The following PLEKHG4B variants were observed in gnomAD, a reference collection of about 807,000 sequenced individuals.
PLEKHG4B encodes pleckstrin homology domain-containing family G member 4B.
PLEKHG4B carries 111 observed loss-of-function variants against 121.3 expected under a neutral mutation model. That is an observed-to-expected ratio of 0.92 (90% confidence interval 0.78 to 1.07). The LOEUF is 1.07. Ranked by LOEUF, PLEKHG4B falls within the 50% of genes least tolerant of loss-of-function variation. The pLI, the probability that PLEKHG4B is intolerant of heterozygous loss-of-function variation, is 0.00. For missense variants in PLEKHG4B, 1,831 were observed against 1,757.8 expected (o/e 1.04, Z -0.74); for synonymous variants, 738 against 725.0 (o/e 1.02, Z -0.29).
intron 13 of PLEKHG4B, among the ~76,000 whole-genome samples, chr5:164,893 CA>C: frequency 2.8e-5 from 2 of 72,422 alleles, no homozygotes; most frequent in African/African-American, 9.6e-5. Context: ...GGGCGGAGCT[CA>C]CACAGTAATG....
chr5:166,454 G>A (rs867739424), intron 13 of PLEKHG4B, among the ~76,000 whole-genome samples: 5 of 113,258 alleles, frequency 4.4e-5, no homozygotes, highest in Middle Eastern at 9.3e-3. Context: ...ATGCTCTGAC[G>A]GGGCGGAGCT....
chr5:105,275 C>T (rs1733945079), intron 1 of PLEKHG4B, among the ~76,000 whole-genome samples: 1 of 152,222 alleles, frequency 6.6e-6, no homozygotes, highest in Non-Finnish European at 1.5e-5. Flanking sequence ...TGGCTGGGGG[C>T]CCTGCTCAGA....
chr5:93,992 CTT>C (rs761846138), intron 1 of PLEKHG4B, among the ~76,000 whole-genome samples: 1 of 152,194 alleles, frequency 6.6e-6, no homozygotes, highest in Non-Finnish European at 1.5e-5. Context: ...TTTGTCCTCT[CTT>C]TGCGTTTGAA....
intron 2 of PLEKHG4B, among the ~76,000 whole-genome samples, chr5:126,029 T>C (rs1734602676): frequency 1.3e-5 from 2 of 152,240 alleles, no homozygotes; most frequent in South Asian, 4.1e-4. Context: ...TTCAGGATTC[T>C]TTGTCTTTGT....
intron 13 of PLEKHG4B, among the ~76,000 whole-genome samples, chr5:168,743 A>G (rs983572596): frequency 6.6e-6 from 1 of 152,172 alleles, no homozygotes. Context: ...TTTGAAATAT[A>G]GTCCTTATCT....
At chr5:169,619 C>A in intron 14 of PLEKHG4B, 27 bp downstream of exon 14, 1 of 1,607,222 alleles carries the variant, frequency 6.2e-7, no homozygotes, top group Non-Finnish European at 8.5e-7. Flanking sequence ...GCGTGGGTGC[C>A]GGGCAACGTG....
Position 162,958 on chromosome 5 carries a change from C to A in PLEKHG4B, c.2886C>A (p.Ala962=). The A allele has an allele frequency of 6.4e-7, 1 of 1,560,454 alleles. No homozygotes were observed. The highest frequency in any genetic ancestry group is 8.7e-7 in the Non-Finnish European group (1 of 1,153,020). Residue 962 remains alanine (A), a synonymous_variant, in exon 13 of 20, where the codon GCC becomes GCA. Transcript: ENST00000637938. ...TGGAAGAGGCCCTTTCTGAGGCTGC[C>A]CCAGACCCCAGCTTACCGCCCCTTG... The part of the protein sequence containing the change: ...LRLEEALSEA[A]PDPSLPPLAQ...
chr5:156,167 C>G lies in PLEKHG4B; in HGVS notation c.2305C>G (p.Leu769Val), dbSNP rs549220555. ...TCTCAGGCTGGAGGGGGGCACCGTC[C>G]TGGCGCGGCTGAGGAGAGAAGAGCT... is the stretch of plus-strand genomic sequence containing the variant. Reference protein sequence around the residue: ...VSLRLEGGTVLARLRREELGT... With the variant: ...VSLRLEGGTVVARLRREELGT... The change falls in exon 10 of 20, where the codon CTG becomes GTG. Residue 769 changes from leucine to valine, a missense_variant. By Grantham distance (32) the Leu-to-Val change is conservative. Transcript: ENST00000637938. The surrounding 1 kb of genome is among the most constrained non-coding windows in gnomAD (Gnocchi z 4.4). The G allele has an allele frequency of 2.1e-5, 33 of 1,585,588 alleles. No individual in the cohort carries two copies. The highest frequency in any genetic ancestry group is 1.7e-4 in the South Asian group (15 of 87,164).
At chr5:145,622 G>A (rs573071393) in intron 6 of PLEKHG4B, among the ~76,000 whole-genome samples, 3 of 152,352 alleles carry the variant, frequency 2.0e-5, no homozygotes, top group African/African-American at 4.8e-5. Flanking sequence ...GCCTCCCAGA[G>A]TGCTGGGCTC....
In PLEKHG4B at chr5:189,114, C is replaced by T. The variant is rs1236736552; in HGVS notation, c.*6791C>T. ...TTGCCGTTCGGGGCCTGCAGTCGCC[C>T]ATAATGGGCCCTGCCCCCTAGGCCT... On this transcript the variant is annotated 3_prime_UTR_variant, in exon 20 of 20. Transcript: ENST00000637938. The T allele has an allele frequency of 6.6e-6, 1 of 152,398 alleles. No individual in the cohort carries two copies. The highest frequency in any genetic ancestry group is 2.4e-5 in the African/African-American group (1 of 41,482). 9.4% of individuals were successfully genotyped at this position (152,398 alleles called of 1,614,324 possible).
rs1390787753 is a variant in PLEKHG4B, at chr5:143,240, G to T, written c.1671G>T (p.Gly557=). The part of the protein sequence containing the change: ...LDVSQELLQS[G]VVTLPGTRDR... ...TCAGTCAGGAGCTGCTGCAGTCCGGGGTCGTCACCCTCCCAGGTGAGAGCA... is the reference window on the plus strand; with the variant it reads ...TCAGTCAGGAGCTGCTGCAGTCCGGTGTCGTCACCCTCCCAGGTGAGAGCA... The change falls in exon 4 of 20, where the codon GGG becomes GGT. Residue 557 remains glycine (G), a synonymous_variant. Coordinates refer to ENST00000637938, the MANE Select transcript of PLEKHG4B (RefSeq NM_052909.5). 2 of 1,610,278 alleles carry T rather than the reference G, an allele frequency of 1.2e-6. No individual in the cohort carries two copies. Among genetic ancestry groups the T allele is most frequent in the Non-Finnish European group, 1.7e-6 (2 of 1,179,980 alleles).
At position 164,975 on chromosome 5, in the gene PLEKHG4B, GGAGCTCACACTAATGCTCTGACGGGGCA is replaced by G. The variant is rs1257377458; in HGVS notation, c.3476+1429_3476+1456del. ...TTACACACTAATGCTCTGACGGGGC[GGAGCTCACACTAATGCTCTGACGGGGCA>G]GGGCTCACAGTAATGCTCTGACAGG... is the stretch of plus-strand genomic sequence containing the variant. On this transcript the variant is annotated intron_variant, in intron 13 of 19. Coordinates refer to ENST00000637938, the MANE Select transcript of PLEKHG4B (RefSeq NM_052909.5). 1.0e-3 allele frequency among the ~76,000 whole-genome samples: 62 copies of G among 59,296 alleles called. 11 individuals are homozygous for G. The highest frequency in any genetic ancestry group is 2.3e-3 in the African/African-American group (37 of 16,198). The allele number at this position is 59,296 out of a possible 152,430, so 38.9% of individuals were successfully genotyped here. A position where few individuals can be genotyped will look rare whatever the true frequency, so the allele number is the denominator to read the frequency against.
At position 155,417 on chromosome 5, in the gene PLEKHG4B, AC is replaced by A; in HGVS notation, c.2185del (p.His729ThrfsTer13). ...ACAGAATTCATTCTGCTCCCTGAAC[AC>A]CCACAGAACCCCAAGAACAGCCCAG... ...FLQNSFCSLN[T>X]HRTPRTAQEV... On this transcript the variant is annotated frameshift_variant, in exon 9 of 20. Transcript: ENST00000637938. LOFTEE classifies it high-confidence loss of function. 6.2e-7 allele frequency: 1 copy of A among 1,614,102 alleles called. No homozygotes were observed. The highest frequency in any genetic ancestry group is 1.1e-5 in the South Asian group (1 of 91,074).
intron 2 of PLEKHG4B, among the ~76,000 whole-genome samples, chr5:119,614 A>G (rs184552009): frequency 1.3e-5 from 2 of 152,286 alleles, no homozygotes; most frequent in Admixed American, 1.3e-4. Flanking sequence ...GCCACCCAAG[A>G]GGTATGGATA....
At chr5:133,476 A>G (rs1432624189) in intron 2 of PLEKHG4B, among the ~76,000 whole-genome samples, 3 of 152,234 alleles carry the variant, frequency 2.0e-5, no homozygotes, top group African/African-American at 7.2e-5. Context: ...GGCTAAGGAC[A>G]TGAATAGACA....
chr5:109,470 A>ACC (rs200949219), intron 1 of PLEKHG4B, among the ~76,000 whole-genome samples: 1,646 of 148,536 alleles, frequency 0.011, 28 homozygotes, highest in African/African-American at 0.039. Context: ...TACCTCCCAT[A>ACC]CCCACCCCCA....
At chr5:145,885 C>G (rs1438039743) in intron 6 of PLEKHG4B, among the ~76,000 whole-genome samples, 1 of 152,074 alleles carries the variant, frequency 6.6e-6, no homozygotes. Flanking sequence ...CCCTTGCTGT[C>G]CCTGCTGAAG....
intron 2 of PLEKHG4B, among the ~76,000 whole-genome samples, chr5:117,116 T>C (rs1359214721): frequency 6.6e-6 from 1 of 152,230 alleles, no homozygotes; most frequent in Non-Finnish European, 1.5e-5. Flanking sequence ...ATGTGAATTA[T>C]GGTACTTTAA....
intron 11 of PLEKHG4B, among the ~76,000 whole-genome samples, chr5:160,793 G>A (rs1735972750): frequency 1.3e-5 from 2 of 152,028 alleles, no homozygotes; most frequent in Non-Finnish European, 2.9e-5. Context: ...TTTCCACAAA[G>A]TTGGAGGCCA....
Sources: allele counts gnomAD v4.1 joint callset (sites outside exome capture counted in the v4.1 genomes callset), GRCh38; gene constraint gnomAD v4.1.1; non-coding constraint Gnocchi (gnomAD v3.1); transcripts MANE v1.5; gene names NCBI Gene and HGNC (gene_info 2026-07-23, HGNC 2026-07-21).